The following ANKRD55 variants were observed in gnomAD, a reference collection of about 807,000 sequenced individuals.
ANKRD55 encodes ankyrin repeat domain 55.
In ANKRD55, 41 loss-of-function variants were observed where a neutral mutation model predicts 60.6. The observed-to-expected ratio is 0.68, with a 90% CI of 0.53 to 0.88. The LOEUF (loss-of-function observed/expected upper bound fraction) is 0.88, where lower values mean the gene tolerates loss of function less well. ANKRD55 is among the 40% of genes least tolerant of loss of function. The pLI is 0.00. For missense variants in ANKRD55, 732 were observed against 767.6 expected (o/e 0.95, Z 0.55); for synonymous variants, 264 against 290.3 (o/e 0.91, Z 0.92).
intron 2 of ANKRD55, among the ~76,000 whole-genome samples, chr5:56,206,674 A>T (rs1242992469): frequency 6.6e-6 from 1 of 152,162 alleles, no homozygotes; most frequent in Non-Finnish European, 1.5e-5. Flanking sequence ...GCAGAATCTG[A>T]ACTGTCTCTT....
Position 56,214,805 on chromosome 5 carries a change from A to G in ANKRD55, c.58+18051T>C, listed in dbSNP as rs900850440. The stretch of plus-strand genomic sequence containing the variant: ...TTGGTTCCTGCTGTGGCCACCTGAA[A>G]CCAACCAACCTATCTCAACTCCACT... On this transcript the variant is annotated intron_variant, in intron 2 of 11. Transcript: ENST00000341048. Among the ~76,000 whole-genome samples, 8 of 152,300 alleles carry G rather than the reference A, an allele frequency of 5.3e-5. No individual in the cohort carries two copies. The East Asian group carries it at 1.5e-3, about 29-fold the overall frequency.
Position 56,111,638 on chromosome 5 carries a change from G to A in ANKRD55, c.1110C>T (p.Tyr370=). The A allele has an allele frequency of 6.4e-7, 1 of 1,555,216 alleles. No individual in the cohort carries two copies. Among genetic ancestry groups the A allele is most frequent in the Non-Finnish European group, 8.6e-7 (1 of 1,156,342 alleles). ...AHQKDPSRDR[Y]REEDTSEVND... ...TGACTTCTGAGGTGTCCTCCTCTCT[G>A]TATCGGTCCCTGCTGGGATCCTTCT... The change falls in exon 10 of 12, where the codon TAC becomes TAT. Residue 370 remains tyrosine, a synonymous_variant. Coordinates refer to ENST00000341048, the MANE Select transcript of ANKRD55 (RefSeq NM_024669.3).
chr5:56,217,704 C>T (rs1242030932), intron 2 of ANKRD55, among the ~76,000 whole-genome samples: 1 of 152,056 alleles, frequency 6.6e-6, no homozygotes, highest in Non-Finnish European at 1.5e-5. Context: ...ACCGTCCTGG[C>T]TAACATGGTG....
intron 10 of ANKRD55, among the ~76,000 whole-genome samples, chr5:56,110,318 G>C (rs1339623841): frequency 6.7e-6 from 1 of 150,312 alleles, no homozygotes; most frequent in Admixed American, 6.6e-5. Flanking sequence ...GGGATCGCTT[G>C]AACCCAGGAG....
chr5:56,165,318 C>T (rs1192971765), intron 5 of ANKRD55, among the ~76,000 whole-genome samples: 1 of 152,202 alleles, frequency 6.6e-6, no homozygotes, highest in African/African-American at 2.4e-5. Flanking sequence ...ACTGCATTTA[C>T]ATGGGCCTGT....
intron 2 of ANKRD55, among the ~76,000 whole-genome samples, chr5:56,214,092 G>C (rs1759744613): frequency 6.6e-6 from 1 of 152,224 alleles, no homozygotes; most frequent in Non-Finnish European, 1.5e-5. Context: ...ATCAGATCTT[G>C]TGAGTCTTAT....
At chr5:56,168,245 C>T (rs922736651) in intron 5 of ANKRD55, among the ~76,000 whole-genome samples, 31 of 152,204 alleles carry the variant, frequency 2.0e-4, no homozygotes, top group Admixed American at 2.0e-4. Context: ...TCTGCGGTTT[C>T]GCTTTCCATT....
chr5:56,221,361 A>C (rs1759961191), intron 2 of ANKRD55, among the ~76,000 whole-genome samples: 1 of 152,184 alleles, frequency 6.6e-6, no homozygotes, highest in African/African-American at 2.4e-5. Context: ...CTGCACATTG[A>C]GGGAGGTTCC....
intron 7 of ANKRD55, among the ~76,000 whole-genome samples, chr5:56,131,899 G>A (rs1316737045): frequency 6.7e-6 from 1 of 149,682 alleles, no homozygotes; most frequent in Admixed American, 6.6e-5. Flanking sequence ...GAACGCTGAA[G>A]AAGGAATAAG....
intron 2 of ANKRD55, among the ~76,000 whole-genome samples, chr5:56,220,275 G>T (rs1376517367): frequency 6.6e-6 from 1 of 152,220 alleles, no homozygotes; most frequent in African/African-American, 2.4e-5. Context: ...TCAGCCAGGG[G>T]CTTCCTTCTG....
intron 9 of ANKRD55, among the ~76,000 whole-genome samples, chr5:56,112,634 A>T (rs1407464345): frequency 6.6e-6 from 1 of 152,152 alleles, no homozygotes; most frequent in African/African-American, 2.4e-5. Context: ...TGCGCAGGCA[A>T]ATTATAAAGG....
chr5:56,162,672 AAT>A (rs1561276340), intron 5 of ANKRD55, among the ~76,000 whole-genome samples: 1 of 147,090 alleles, frequency 6.8e-6, no homozygotes, highest in African/African-American at 2.5e-5. Flanking sequence ...ATTTTTGGTC[AAT>A]TTTTTTTTTT....
At chr5:56,121,519 C>T (rs535978559) in intron 8 of ANKRD55, among the ~76,000 whole-genome samples, 3 of 150,404 alleles carry the variant, frequency 2.0e-5, no homozygotes, top group Non-Finnish European at 4.5e-5. Context: ...ACTACAGGCG[C>T]CCGCCACCAC....
rs200614650 is a variant in ANKRD55, at chr5:56,127,016, C to T, written c.703G>A (p.Val235Ile). The T allele has an allele frequency of 2.5e-6, 4 of 1,613,992 alleles. No individual in the cohort carries two copies. The highest frequency in any genetic ancestry group is 2.2e-5 in the East Asian group (1 of 44,868). ...NYDDESGKTCVHIAAAAGFSD... is the reference protein window; with the variant it reads ...NYDDESGKTCIHIAAAAGFSD... ...AAGCCCGCTGCCGCTGCGATATGTA[C>T]ACATGTCTTCCCACTCTCATCATCA... The change falls in exon 8 of 12, where the codon GTA becomes ATA. Residue 235 changes from valine (V) to isoleucine (I), a missense_variant. Transcript: ENST00000341048.
At chr5:56,222,391 G>A (rs1439978614) in intron 2 of ANKRD55, among the ~76,000 whole-genome samples, 1 of 152,182 alleles carries the variant, frequency 6.6e-6, no homozygotes, top group Non-Finnish European at 1.5e-5. Context: ...CACAAAGATT[G>A]GGAGAAACCA....
intron 2 of ANKRD55, 79 bp from the exon 3 acceptor site, chr5:56,183,713 A>G: frequency 1.3e-6 from 2 of 1,560,526 alleles, no homozygotes; most frequent in Non-Finnish European, 1.7e-6. Flanking sequence ...GTCGTCACCC[A>G]CACAAGTGAT....
chr5:56,184,718 T>A (rs1758929446), intron 2 of ANKRD55, among the ~76,000 whole-genome samples: 1 of 151,550 alleles, frequency 6.6e-6, no homozygotes, highest in East Asian at 1.9e-4. Flanking sequence ...GGCAACACAG[T>A]GAGACCCTCT....
chr5:56,144,049 G>A, intron 6 of ANKRD55, 120 bp from the exon 7 acceptor site: 1 of 1,289,032 alleles, frequency 7.8e-7, no homozygotes, highest in Non-Finnish European at 1.1e-6. Flanking sequence ...GTTTCCTGCT[G>A]GTTCATTCAT....
chr5:56,165,804 C>T (rs902324116), intron 5 of ANKRD55, among the ~76,000 whole-genome samples: 1 of 152,116 alleles, frequency 6.6e-6, no homozygotes, highest in African/African-American at 2.4e-5. Flanking sequence ...TGGTGCGTGT[C>T]TGTAATCCCA....
Sources: allele counts gnomAD v4.1 joint callset (sites outside exome capture counted in the v4.1 genomes callset), GRCh38; gene constraint gnomAD v4.1.1; transcripts MANE v1.5; gene names NCBI Gene and HGNC (gene_info 2026-07-23, HGNC 2026-07-21).